Variants in ROBO2 observed in about 807,000 individuals in gnomAD.
ROBO2 encodes roundabout guidance receptor 2.
In ROBO2, 53 loss-of-function variants were observed where a neutral mutation model predicts 160.8. The ratio of observed to expected loss-of-function variants is 0.33; its 90% CI spans 0.26 to 0.41. ROBO2 has a LOEUF of 0.41. Among genes scored for constraint, ROBO2 ranks in the 10% least tolerant of loss-of-function variants. The pLI, the probability that ROBO2 is intolerant of heterozygous loss-of-function variation, is 1.00. For missense variants in ROBO2, 1,577 were observed against 1,722.4 expected (o/e 0.92, Z 1.49); for synonymous variants, 664 against 611.7 (o/e 1.09, Z -1.26).
intron 23 of ROBO2, chr3:77,630,254 A>G (rs369730223): frequency 1.3e-5 from 2 of 152,218 alleles, no homozygotes; most frequent in African/African-American, 2.4e-5. Context: ...CTGTAAAGAT[A>G]TTACCGGAGA....
chr3:76,227,404 T>A (rs1704355189), intron 2 of ROBO2, among the ~76,000 whole-genome samples: 1 of 152,196 alleles, frequency 6.6e-6, no homozygotes, highest in African/African-American at 2.4e-5. Flanking sequence ...TGTCTCTTTT[T>A]AAAAGTATTT....
intron 2 of ROBO2, among the ~76,000 whole-genome samples, chr3:75,944,963 A>G (rs1948214345): frequency 6.6e-6 from 1 of 152,054 alleles, no homozygotes; most frequent in African/African-American, 2.4e-5. Context: ...GTTGCTTTTC[A>G]TAGTTTACGT....
At chr3:77,457,827 A>G (rs1264405368) in intron 2 of ROBO2, among the ~76,000 whole-genome samples, 3 of 151,960 alleles carry the variant, frequency 2.0e-5, no homozygotes, top group Non-Finnish European at 4.4e-5. Flanking sequence ...TATTATATTA[A>G]TTTAATATTT....
At chr3:76,198,653 T>TGGCCACC (rs1702375710) in intron 2 of ROBO2, among the ~76,000 whole-genome samples, 1 of 152,156 alleles carries the variant, frequency 6.6e-6, no homozygotes, top group Non-Finnish European at 1.5e-5. Flanking sequence ...ATAAGAAATA[T>TGGCCACC]TTGCCATCTA....
At chr3:77,546,227 G>A (rs534287897) in intron 6 of ROBO2, 111 bp from the exon 8 acceptor site, 2 of 1,140,478 alleles carry the variant, frequency 1.8e-6, no homozygotes, top group Admixed American at 1.9e-5. Flanking sequence ...ATAAAAAACT[G>A]TAGTCTCTCT....
intron 2 of ROBO2, among the ~76,000 whole-genome samples, chr3:76,645,800 T>C (rs1156765684): frequency 6.6e-6 from 1 of 152,124 alleles, no homozygotes; most frequent in Non-Finnish European, 1.5e-5. Flanking sequence ...GAACTTAAAG[T>C]CAGAAACAAT....
chr3:75,934,248 A>G (rs1162974437), intron 1 of ROBO2, among the ~76,000 whole-genome samples: 2 of 152,236 alleles, frequency 1.3e-5, no homozygotes, highest in Non-Finnish European at 2.9e-5. Flanking sequence ...TTATGTGCAG[A>G]AGAGCACAAT....
intron 2 of ROBO2, among the ~76,000 whole-genome samples, chr3:76,596,362 A>G (rs184879788): frequency 4.6e-5 from 7 of 152,272 alleles, no homozygotes; most frequent in Non-Finnish European, 8.8e-5. Context: ...AGAATATGTT[A>G]AATAACATAG....
intron 2 of ROBO2, among the ~76,000 whole-genome samples, chr3:77,200,319 ATATTT>A (rs2082778576): frequency 4.9e-5 from 3 of 61,530 alleles, no homozygotes; most frequent in Non-Finnish European, 6.9e-5. Flanking sequence ...ATATATATAT[ATATTT>A]TAGTTTCTAT....
intron 2 of ROBO2, among the ~76,000 whole-genome samples, chr3:76,096,822 G>A (rs2069471187): frequency 6.6e-6 from 1 of 152,128 alleles, no homozygotes. Flanking sequence ...CAATATTGTA[G>A]AGACGAGTTA....
intron 2 of ROBO2, among the ~76,000 whole-genome samples, chr3:76,884,520 A>T (rs1241924280): frequency 6.6e-6 from 1 of 152,154 alleles, no homozygotes; most frequent in Non-Finnish European, 1.5e-5. Flanking sequence ...GCCAGCTGGT[A>T]TGTCAAATCA....
intron 2 of ROBO2, among the ~76,000 whole-genome samples, chr3:76,867,462 T>G (rs529802302): frequency 6.6e-6 from 1 of 152,244 alleles, no homozygotes; most frequent in Non-Finnish European, 1.5e-5. Flanking sequence ...CTCCCAGAGT[T>G]TGGATTTAAG....
intron 2 of ROBO2, among the ~76,000 whole-genome samples, chr3:76,898,368 A>G (rs376766005): frequency 1.3e-5 from 2 of 152,124 alleles, no homozygotes; most frequent in East Asian, 3.8e-4. Context: ...TCCATCTAAA[A>G]TGAGTATTAA....
intron 2 of ROBO2, among the ~76,000 whole-genome samples, chr3:77,259,095 A>G (rs1292134001): frequency 6.6e-6 from 1 of 151,888 alleles, no homozygotes; most frequent in Non-Finnish European, 1.5e-5. Context: ...ACTTCCTGAT[A>G]CTCTCCTCGT....
intron 2 of ROBO2, among the ~76,000 whole-genome samples, chr3:76,190,719 CATT>C (rs1226895096): frequency 2.0e-5 from 3 of 151,938 alleles, no homozygotes; most frequent in Non-Finnish European, 4.4e-5. Context: ...TGAATATTAC[CATT>C]ATAAGGAAAA....
At chr3:76,185,850 T>C (rs1266955822) in intron 2 of ROBO2, among the ~76,000 whole-genome samples, 1 of 152,038 alleles carries the variant, frequency 6.6e-6, no homozygotes. Flanking sequence ...ATTATAAAGA[T>C]GTGTTAGTTT....
chr3:76,630,380 A>G (rs1356352165), intron 2 of ROBO2, among the ~76,000 whole-genome samples: 1 of 152,168 alleles, frequency 6.6e-6, no homozygotes, highest in Non-Finnish European at 1.5e-5. Flanking sequence ...CAAGTAAATA[A>G]TTGTGCCACT....
At chr3:77,032,795 G>C (rs961065080) in intron 2 of ROBO2, among the ~76,000 whole-genome samples, 1 of 143,716 alleles carries the variant, frequency 7.0e-6, no homozygotes, top group Non-Finnish European at 1.5e-5. Context: ...CAAAAAGTGA[G>C]GCAACAGCCA....
intron 2 of ROBO2, among the ~76,000 whole-genome samples, chr3:77,448,728 C>A (rs2080828906): frequency 6.6e-6 from 1 of 151,082 alleles, no homozygotes; most frequent in South Asian, 2.1e-4. Context: ...CTCGGGGGAA[C>A]TGGGCAAAGG....
Sources: allele counts gnomAD v4.1 joint callset (sites outside exome capture counted in the v4.1 genomes callset), GRCh38; gene constraint gnomAD v4.1.1; transcripts MANE v1.5; gene names NCBI Gene and HGNC (gene_info 2026-07-23, HGNC 2026-07-21).